Variants in ZCWPW1 observed in about 807,000 individuals in gnomAD.
The protein encoded by ZCWPW1 is zinc finger CW-type and PWWP domain containing 1.
Under a neutral mutation model 81.3 loss-of-function variants are expected in ZCWPW1, and 56 were observed. The observed-to-expected ratio is 0.69, with a 90% CI of 0.56 to 0.86. ZCWPW1 has a LOEUF of 0.86. Among genes scored for constraint, ZCWPW1 ranks in the 40% least tolerant of loss-of-function variants. The pLI is 0.00. For missense variants in ZCWPW1, 650 were observed against 769.8 expected (o/e 0.84, Z 1.84); for synonymous variants, 250 against 273.7 (o/e 0.91, Z 0.86).
At chr7:100,411,838 A>T (rs1794232101) in intron 8 of ZCWPW1, among the ~76,000 whole-genome samples, 1 of 152,168 alleles carries the variant, frequency 6.6e-6, no homozygotes, top group Admixed American at 6.5e-5. Flanking sequence ...GGCTTGGAAT[A>T]ATATTTTTGA....
At chr7:100,407,932 T>G (rs1793398777) in intron 10 of ZCWPW1, among the ~76,000 whole-genome samples, 1 of 152,140 alleles carries the variant, frequency 6.6e-6, no homozygotes, top group Non-Finnish European at 1.5e-5. Flanking sequence ...TTCCCTTTAC[T>G]TTGTCTCTCT....
chr7:100,409,114 G>T (rs1046781383), intron 9 of ZCWPW1, among the ~76,000 whole-genome samples: 1 of 151,946 alleles, frequency 6.6e-6, no homozygotes, highest in Non-Finnish European at 1.5e-5. Context: ...TGTTTTCCCC[G>T]ATATATCCTA....
intron 8 of ZCWPW1, among the ~76,000 whole-genome samples, chr7:100,414,460 G>C (rs897698641): frequency 1.3e-5 from 2 of 152,142 alleles, no homozygotes; most frequent in Admixed American, 6.5e-5. Flanking sequence ...CTGTCACCAA[G>C]GCTGGAGGGC....
rs1436878930 is a variant in ZCWPW1, at chr7:100,425,075, T to G, written c.-75A>C. On this transcript the variant is annotated 5_prime_UTR_variant, in exon 2 of 18. Coordinates refer to ENST00000684423, the MANE Select transcript of ZCWPW1 (RefSeq NM_001386010.1). ...GGCCAGGAAGTCACTTTCTGATAAC[T>G]CAGGTTGCCCCTCCTCTGTTTCAGG... is the stretch of plus-strand genomic sequence containing the variant. 11 of 152,300 alleles carry G rather than the reference T, an allele frequency of 7.2e-5. No individual in the cohort carries two copies. The highest frequency in any genetic ancestry group is 1.6e-4 in the Non-Finnish European group (11 of 68,020). 9.4% of individuals were successfully genotyped at this position (152,300 alleles called of 1,614,324 possible).
intron 8 of ZCWPW1, among the ~76,000 whole-genome samples, chr7:100,414,334 G>C (rs1794768659): frequency 6.6e-6 from 1 of 152,138 alleles, no homozygotes; most frequent in Non-Finnish European, 1.5e-5. Context: ...TCTTAAAGTT[G>C]GAACTTGTTC....
At chr7:100,401,540 C>A (rs774790228) in intron 17 of ZCWPW1, among the ~76,000 whole-genome samples, 4 of 152,188 alleles carry the variant, frequency 2.6e-5, no homozygotes, top group Non-Finnish European at 4.4e-5. Flanking sequence ...CTTTTTAAAT[C>A]CTTTGAGCCT....
chr7:100,428,116 G>A (rs1798072417), intron 1 of ZCWPW1, among the ~76,000 whole-genome samples: 3 of 152,152 alleles, frequency 2.0e-5, no homozygotes, highest in Admixed American at 2.0e-4. Context: ...GACTGGCAGC[G>A]CCTAGCACCT....
At chr7:100,417,650 G>A (rs1044874741) in intron 5 of ZCWPW1, among the ~76,000 whole-genome samples, 2 of 151,548 alleles carry the variant, frequency 1.3e-5, no homozygotes, top group African/African-American at 2.4e-5. Flanking sequence ...CCTGGGAGGC[G>A]GAAGTTGCAG....
At chr7:100,427,752 G>T (rs1204833850) in intron 1 of ZCWPW1, among the ~76,000 whole-genome samples, 1 of 149,284 alleles carries the variant, frequency 6.7e-6, no homozygotes, top group Non-Finnish European at 1.5e-5. Flanking sequence ...CCAAAGGGAA[G>T]AAGTTTTGCA....
At chr7:100,413,352 C>T (rs368399971) in intron 8 of ZCWPW1, among the ~76,000 whole-genome samples, 27 of 152,320 alleles carry the variant, frequency 1.8e-4, no homozygotes, top group African/African-American at 6.0e-4. Flanking sequence ...CACTGGCTTT[C>T]TTTTAGTATC....
intron 1 of ZCWPW1, among the ~76,000 whole-genome samples, chr7:100,426,653 C>T (rs1025099238): frequency 6.9e-6 from 1 of 145,410 alleles, no homozygotes; most frequent in Admixed American, 6.8e-5. Flanking sequence ...CCCTCCCTCT[C>T]TCCCTCCTTT....
chr7:100,413,866 G>C (rs538981374), intron 8 of ZCWPW1, among the ~76,000 whole-genome samples: 2 of 152,184 alleles, frequency 1.3e-5, no homozygotes, highest in Admixed American at 6.5e-5. Context: ...TTACAGGTGT[G>C]AGCCACTGCG....
chr7:100,409,992 C>A (rs1461500232), intron 8 of ZCWPW1, among the ~76,000 whole-genome samples: 1 of 152,196 alleles, frequency 6.6e-6, no homozygotes. Context: ...TTATCCAAAT[C>A]TCAACTGATT....
chr7:100,419,319 A>T, intron 4 of ZCWPW1, 130 bp from the exon 5 acceptor site: 1 of 800,914 alleles, frequency 1.2e-6, no homozygotes, highest in Non-Finnish European at 2.0e-6. Context: ...CAGCATACCT[A>T]AGGAGGCCAT....
At position 100,419,165 on chromosome 7, in the gene ZCWPW1, C is replaced by A; in HGVS notation, c.307G>T (p.Glu103Ter). The A allele has an allele frequency of 6.2e-7, 1 of 1,613,084 alleles. No individual in the cohort carries two copies. Among genetic ancestry groups the A allele is most frequent in the South Asian group, 1.1e-5 (1 of 90,924 alleles). ...EKEKSSLTNAEFEEIVQIVLQ... is the reference protein window; with the variant it reads ...EKEKSSLTNA ...ACAATCTGGACAATCTCCTCAAATTCTGCATTGGTAAGACTTGATTTTTCC... is the reference window on the plus strand; with the variant it reads ...ACAATCTGGACAATCTCCTCAAATTATGCATTGGTAAGACTTGATTTTTCC... Residue 103 changes from glutamate to a stop codon, truncating the protein, a stop_gained, in exon 5 of 18, where the codon GAA becomes TAA. Coordinates refer to ENST00000684423, the MANE Select transcript of ZCWPW1 (RefSeq NM_001386010.1). LOFTEE classifies it high-confidence loss of function.
At chr7:100,405,212 G>A (rs1364679234) in intron 12 of ZCWPW1, 119 bp from the exon 13 acceptor site, 11 of 838,296 alleles carry the variant, frequency 1.3e-5, no homozygotes, top group African/African-American at 5.1e-5. Context: ...GGTAGATCAC[G>A]AGGTCAGGAG....
At chr7:100,417,303 T>C in intron 5 of ZCWPW1, 120 bp from the exon 6 acceptor site, 3 of 642,996 alleles carry the variant, frequency 4.7e-6, no homozygotes, top group East Asian at 2.9e-5. Flanking sequence ...ACCTGTCATA[T>C]CACAGAACTT....
In ZCWPW1 at chr7:100,408,528, T is replaced by A; in HGVS notation, c.992+11A>T. The A allele has an allele frequency of 6.2e-7, 1 of 1,611,792 alleles. No individual in the cohort carries two copies. Among genetic ancestry groups the A allele is most frequent in the South Asian group, 1.1e-5 (1 of 90,742 alleles). Reference sequence around the variant, plus strand: ...TGTGAAGGATGCTCTGACTGTGTCATAATGCCCTACCAGGGGTAACCGTAT... The same window carrying A: ...TGTGAAGGATGCTCTGACTGTGTCAAAATGCCCTACCAGGGGTAACCGTAT... On this transcript the variant is annotated intron_variant, in intron 10 of 17. Coordinates refer to ENST00000684423, the MANE Select transcript of ZCWPW1 (RefSeq NM_001386010.1).
chr7:100,401,987 T>C lies in ZCWPW1; in HGVS notation c.1529A>G (p.Lys510Arg). 1 of 1,614,186 alleles carries C rather than the reference T, an allele frequency of 6.2e-7. No individual in the cohort carries two copies. The highest frequency in any genetic ancestry group is 2.2e-5 in the East Asian group (1 of 44,886). The change falls in exon 17 of 18, where the codon AAG becomes AGG. Residue 510 changes from lysine (K) to arginine (R), a missense_variant. Physicochemically the swap from Lys to Arg is conservative, Grantham distance 26 (BLOSUM62 2). Transcript: ENST00000684423. ...CCTGCCTAGAGATCTCTTCATTATC[T>C]TCCTCTGCAGTGTCCTGCCTCGGCC... Reference protein sequence around the residue: ...ADGRGRTLQRKIMKRSLGRKS... With the variant: ...ADGRGRTLQRRIMKRSLGRKS...
Sources: allele counts gnomAD v4.1 joint callset (sites outside exome capture counted in the v4.1 genomes callset), GRCh38; gene constraint gnomAD v4.1.1; transcripts MANE v1.5; gene names NCBI Gene and HGNC (gene_info 2026-07-23, HGNC 2026-07-21).